CDH13: variants seen among roughly 807,000 people sequenced by gnomAD.
CDH13 encodes the protein cadherin 13, also known as cadherin-13.
Under a neutral mutation model 63.8 loss-of-function variants are expected in CDH13, and 24 were observed. The ratio of observed to expected loss-of-function variants is 0.38; its 90% confidence interval spans 0.27 to 0.53. The LOEUF is 0.53. Ranked by LOEUF, CDH13 falls within the 20% of genes least tolerant of loss-of-function variation. The pLI is 0.85. For synonymous variants in CDH13, 503 were observed against 355.3 expected (o/e 1.42, Z -4.67); for missense variants, 1,049 against 903.1 (o/e 1.16, Z -2.07).
chr16:83,584,202 G>A (rs982452364), intron 7 of CDH13, among the ~76,000 whole-genome samples: 7 of 152,094 alleles, frequency 4.6e-5, no homozygotes, highest in African/African-American at 1.7e-4. Flanking sequence ...ATAGTGACAG[G>A]TGCCTGTAGT....
chr16:83,709,675 G>C (rs75806159), intron 10 of CDH13, among the ~76,000 whole-genome samples: 1,687 of 152,306 alleles, frequency 0.011, 40 homozygotes, highest in African/African-American at 0.039. Flanking sequence ...TATTTGTCCA[G>C]AGCTAGTCAT....
chr16:83,368,742 C>G (rs569647214), intron 6 of CDH13, among the ~76,000 whole-genome samples: 2 of 151,396 alleles, frequency 1.3e-5, no homozygotes, highest in African/African-American at 4.8e-5. Flanking sequence ...TAGCTTAGCT[C>G]CTACAGGTGA....
At chr16:83,383,866 G>C (rs1303470382) in intron 6 of CDH13, among the ~76,000 whole-genome samples, 1 of 152,142 alleles carries the variant, frequency 6.6e-6, no homozygotes. Context: ...TCAGTGTCTG[G>C]GTATTTGGTG....
chr16:83,142,796 C>G (rs760229244), intron 4 of CDH13, among the ~76,000 whole-genome samples: 2 of 152,112 alleles, frequency 1.3e-5, no homozygotes, highest in Non-Finnish European at 2.9e-5. Flanking sequence ...AGTGGTCTCT[C>G]TACAAGGTGA....
In CDH13 at chr16:83,433,438, C is replaced by G. The variant is rs1390588463; in HGVS notation, c.782-53039C>G. Among the ~76,000 whole-genome samples, 2 of 152,220 alleles carry G rather than the reference C, an allele frequency of 1.3e-5. 1 individual carries two copies. The highest frequency in any genetic ancestry group is 2.9e-5 in the Non-Finnish European group (2 of 68,048). ...TGTGAATGTGGGCTATCATTCATTA[C>G]TGGGAAAATGCATGACCAGCGGATA... On this transcript the variant is annotated intron_variant, in intron 6 of 13. Transcript: ENST00000567109.
intron 7 of CDH13, among the ~76,000 whole-genome samples, chr16:83,600,393 C>T (rs1039707598): frequency 7.9e-5 from 12 of 152,144 alleles, no homozygotes; most frequent in African/African-American, 2.9e-4. Context: ...AGAACCAGGA[C>T]TCCTTAAAAT....
intron 8 of CDH13, among the ~76,000 whole-genome samples, chr16:83,653,606 G>T (rs1039539688): frequency 4.6e-5 from 7 of 152,120 alleles, no homozygotes; most frequent in African/African-American, 1.7e-4. Context: ...GCATAGTTCT[G>T]GTACTTAGGT....
At position 82,866,380 on chromosome 16, in the gene CDH13, T is replaced by C. The variant is rs12051267; in HGVS notation, c.157+7907T>C. Among the ~76,000 whole-genome samples the C allele has an allele frequency of 4.1e-3, 113 of 27,444 alleles. No homozygotes were observed. The East Asian group carries it at 0.044, about 11-fold the overall frequency. 18.0% of individuals were successfully genotyped at this position (27,444 alleles called of 152,430 possible). ...GTTTTCTTTTCTTTTTCTTCTTCTT[T>C]TTTTTTTTTTTTTTTTTTTTTTTTT... On this transcript the variant is annotated intron_variant, in intron 2 of 13. Coordinates refer to ENST00000567109, the MANE Select transcript of CDH13 (RefSeq NM_001257.5).
intron 3 of CDH13, among the ~76,000 whole-genome samples, chr16:83,066,020 CT>C (rs2031983147): frequency 6.6e-6 from 1 of 152,140 alleles, no homozygotes; most frequent in Non-Finnish European, 1.5e-5. Context: ...TAAAGCTTGC[CT>C]TCTGTAAAAT....
intron 6 of CDH13, among the ~76,000 whole-genome samples, chr16:83,423,706 G>A (rs2071788664): frequency 6.6e-6 from 1 of 152,156 alleles, no homozygotes; most frequent in Non-Finnish European, 1.5e-5. Flanking sequence ...ATAAATTATT[G>A]TATATTAAAC....
intron 4 of CDH13, among the ~76,000 whole-genome samples, chr16:83,167,867 G>A (rs952854971): frequency 5.9e-5 from 9 of 151,860 alleles, no homozygotes; most frequent in African/African-American, 2.2e-4. Context: ...ATACCATGCA[G>A]CCATAAAAAA....
chr16:83,485,410 T>G (rs1220977033), intron 6 of CDH13, among the ~76,000 whole-genome samples: 1 of 152,204 alleles, frequency 6.6e-6, no homozygotes, highest in Non-Finnish European at 1.5e-5. Context: ...AATCCAACAC[T>G]CCACATGCTT....
chr16:83,501,670 ACCTGCCTTTCCTGAGTCACC>A (rs1359504764), intron 7 of CDH13, among the ~76,000 whole-genome samples: 1 of 152,174 alleles, frequency 6.6e-6, no homozygotes, highest in African/African-American at 2.4e-5. Context: ...CCAAGGGCTG[ACCTGCCTTTCCTGAGTCACC>A]CACTGGAGAG....
At chr16:83,064,187 G>A (rs1311125955) in intron 3 of CDH13, among the ~76,000 whole-genome samples, 6 of 152,120 alleles carry the variant, frequency 3.9e-5, no homozygotes, top group African/African-American at 1.4e-4. Flanking sequence ...TGGCCCACAT[G>A]ATGAAACCCC....
intron 6 of CDH13, among the ~76,000 whole-genome samples, chr16:83,365,044 C>T (rs527835471): frequency 5.3e-5 from 8 of 152,276 alleles, no homozygotes; most frequent in South Asian, 2.1e-4. Context: ...TAAACCTACA[C>T]GTTCTGCACA....
intron 1 of CDH13, among the ~76,000 whole-genome samples, chr16:82,752,452 T>C (rs1301961361): frequency 6.6e-6 from 1 of 152,226 alleles, no homozygotes; most frequent in Non-Finnish European, 1.5e-5. Context: ...ATTTCCTAAA[T>C]GAATTAGTCC....
chr16:82,654,074 A>T (rs775449043), intron 1 of CDH13, among the ~76,000 whole-genome samples: 10 of 152,186 alleles, frequency 6.6e-5, no homozygotes, highest in Non-Finnish European at 1.3e-4. Flanking sequence ...TATGACATAA[A>T]GCCGCAAAAA....
At chr16:82,657,692 G>C (rs1338257409) in intron 1 of CDH13, among the ~76,000 whole-genome samples, 2 of 152,140 alleles carry the variant, frequency 1.3e-5, no homozygotes, top group Non-Finnish European at 2.9e-5. Flanking sequence ...GGAGGGTAAT[G>C]TAAATTGTAT....
chr16:83,254,970 TCTTTCTTTCTTTCTTTCTTTC>T (rs1567542248), intron 5 of CDH13, among the ~76,000 whole-genome samples: 2 of 10,492 alleles, frequency 1.9e-4, no homozygotes, highest in Admixed American at 1.4e-3. Flanking sequence ...TTTCTTTCTT[TCTTTCTTTCTTTCTTTCTTTC>T]TTTCTTTCTT....
Sources: allele counts gnomAD v4.1 joint callset (sites outside exome capture counted in the v4.1 genomes callset), GRCh38; gene constraint gnomAD v4.1.1; transcripts MANE v1.5; gene names NCBI Gene and HGNC (gene_info 2026-07-23, HGNC 2026-07-21).